The following MTHFD1L variants were observed in gnomAD, a reference collection of about 807,000 sequenced individuals.
MTHFD1L encodes the protein methylenetetrahydrofolate dehydrogenase (NADP+ dependent) 1 like.
MTHFD1L carries 81 observed loss-of-function variants against 119.5 expected under a neutral mutation model. The observed-to-expected ratio is 0.68, with a 90% CI of 0.57 to 0.82. The LOEUF (loss-of-function observed/expected upper bound fraction) is 0.82. Among genes scored for constraint, MTHFD1L ranks in the 40% least tolerant of loss-of-function variants. MTHFD1L has a pLI of 0.00. For missense variants in MTHFD1L, 1,125 were observed against 1,253.4 expected (o/e 0.90, Z 1.55); for synonymous variants, 430 against 475.2 (o/e 0.90, Z 1.24).
At chr6:151,028,813 C>T (rs534744020) in intron 24 of MTHFD1L, among the ~76,000 whole-genome samples, 44 of 152,292 alleles carry the variant, frequency 2.9e-4, no homozygotes, top group African/African-American at 7.9e-4. Flanking sequence ...TGGTAGCTTG[C>T]GGCTGTAATC....
intron 26 of MTHFD1L, among the ~76,000 whole-genome samples, chr6:151,050,425 G>T (rs753704404): frequency 7.2e-5 from 11 of 152,232 alleles, no homozygotes; most frequent in Non-Finnish European, 1.2e-4. Flanking sequence ...GCCTCCCAAA[G>T]TGCTGGGATT....
chr6:150,930,033 G>A (rs190003203), intron 11 of MTHFD1L, among the ~76,000 whole-genome samples: 5 of 152,312 alleles, frequency 3.3e-5, no homozygotes, highest in Admixed American at 6.5e-5. Context: ...TTTTAGGGCT[G>A]TAAACTGTCA....
intron 26 of MTHFD1L, chr6:151,054,804 G>A (rs1789625860): frequency 6.6e-6 from 1 of 152,150 alleles, no homozygotes. Flanking sequence ...CTCTAAATAT[G>A]TACATGTACA....
chr6:151,028,462 A>G (rs562716449), intron 24 of MTHFD1L, among the ~76,000 whole-genome samples: 10 of 152,152 alleles, frequency 6.6e-5, no homozygotes, highest in African/African-American at 2.2e-4. Context: ...TGGCACACAC[A>G]TACTATGGAA....
At chr6:151,003,311 C>G (rs1780883020) in intron 20 of MTHFD1L, among the ~76,000 whole-genome samples, 1 of 152,180 alleles carries the variant, frequency 6.6e-6, no homozygotes, top group African/African-American at 2.4e-5. Flanking sequence ...GTGGGCGGAT[C>G]ACCTGAGGTC....
chr6:151,048,741 T>C (rs140794856), intron 26 of MTHFD1L, among the ~76,000 whole-genome samples: 1 of 152,178 alleles, frequency 6.6e-6, no homozygotes, highest in South Asian at 2.1e-4. Flanking sequence ...CCCAAACACA[T>C]TCTATTCATG....
chr6:151,000,897 C>A (rs1011248457), intron 20 of MTHFD1L, among the ~76,000 whole-genome samples: 1 of 152,246 alleles, frequency 6.6e-6, no homozygotes, highest in Non-Finnish European at 1.5e-5. Context: ...ATACACCTTG[C>A]TTGTTCCTCT....
At chr6:151,047,623 C>A (rs891212016) in intron 26 of MTHFD1L, among the ~76,000 whole-genome samples, 3 of 152,158 alleles carry the variant, frequency 2.0e-5, no homozygotes, top group Non-Finnish European at 4.4e-5. Flanking sequence ...CAAAAAGAGC[C>A]AATTCCATCC....
chr6:151,018,389 A>G (rs1333464483), intron 24 of MTHFD1L, among the ~76,000 whole-genome samples: 1 of 152,210 alleles, frequency 6.6e-6, no homozygotes, highest in Non-Finnish European at 1.5e-5. Flanking sequence ...AATATTTAAT[A>G]TTACCACAGC....
At chr6:150,946,723 C>T (rs931204763) in intron 15 of MTHFD1L, among the ~76,000 whole-genome samples, 1 of 152,100 alleles carries the variant, frequency 6.6e-6, no homozygotes, top group South Asian at 2.1e-4. Flanking sequence ...TAATTCCATC[C>T]TCGGCAGCTA....
Position 150,865,733 on chromosome 6 carries a change from G to GCCGCCA in MTHFD1L, c.-85_-84insACCGCC. 9.0e-7 allele frequency: 1 copy of GCCGCCA among 1,116,570 alleles called. No individual in the cohort carries two copies. The highest frequency in any genetic ancestry group is 2.4e-5 in the South Asian group (1 of 41,482). 69.2% of individuals were successfully genotyped at this position (1,116,570 alleles called of 1,614,324 possible). On this transcript the variant is annotated 5_prime_UTR_variant, in exon 1 of 28. Transcript: ENST00000367321. ...GCGCCAGGTCCTTCCCGCCGCCGCCGCCGCCGCCGCCGCCTGCTCCCCTGG... is the reference window on the plus strand; with the variant it reads ...GCGCCAGGTCCTTCCCGCCGCCGCCGCCGCCACCGCCGCCGCCGCCTGCTCCCCTGG...
chr6:150,960,725 A>ACTTG (rs1167826235), intron 18 of MTHFD1L, among the ~76,000 whole-genome samples: 3 of 152,136 alleles, frequency 2.0e-5, no homozygotes, highest in African/African-American at 7.2e-5. Flanking sequence ...CCCTGCAGTC[A>ACTTG]CTTGGTGACT....
intron 24 of MTHFD1L, among the ~76,000 whole-genome samples, chr6:151,033,218 C>CT (rs1785603373): frequency 6.6e-6 from 1 of 151,806 alleles, no homozygotes; most frequent in African/African-American, 2.4e-5. Flanking sequence ...CTCCCAGGGT[C>CT]AAGCGATTCT....
chr6:150,955,844 T>G, intron 16 of MTHFD1L, 151 bp from the exon 17 acceptor site: 2 of 639,162 alleles, frequency 3.1e-6, no homozygotes, highest in Non-Finnish European at 5.6e-6. Flanking sequence ...TGATTCTTTC[T>G]CTATGTCTAC....
At chr6:151,008,969 A>G (rs576565342) in intron 20 of MTHFD1L, among the ~76,000 whole-genome samples, 1 of 151,936 alleles carries the variant, frequency 6.6e-6, no homozygotes, top group East Asian at 1.9e-4. Flanking sequence ...ATAAAAAAAA[A>G]AAATTAGCCG....
intron 8 of MTHFD1L, chr6:150,912,714 A>G (rs1562365495): frequency 3.9e-6 from 2 of 516,200 alleles, no homozygotes; most frequent in South Asian, 1.5e-5. Context: ...AAAGTGATTC[A>G]TTGACTTGTC....
At position 150,995,110 on chromosome 6, in the gene MTHFD1L, T is replaced by C. The variant is rs568670655; in HGVS notation, c.2126-14709T>C. Reference sequence around the variant, plus strand: ...GCAAATTGAGGGTCTGTTCTTCTTTTATACCAGATGGCAATTATAACAAAT... The same window carrying C: ...GCAAATTGAGGGTCTGTTCTTCTTTCATACCAGATGGCAATTATAACAAAT... On this transcript the variant is annotated intron_variant, in intron 20 of 27. Coordinates refer to ENST00000367321, the MANE Select transcript of MTHFD1L (RefSeq NM_015440.5). Among the ~76,000 whole-genome samples, 53 of 152,162 alleles carry C rather than the reference T, an allele frequency of 3.5e-4. 1 individual carries two copies. The South Asian group carries it at 0.01, about 30-fold the overall frequency.
chr6:151,058,906 A>C (rs973969708), intron 26 of MTHFD1L, among the ~76,000 whole-genome samples: 1 of 152,120 alleles, frequency 6.6e-6, no homozygotes, highest in African/African-American at 2.4e-5. Flanking sequence ...TGAACTCCTG[A>C]CCTCAGGTGA....
At position 151,017,351 on chromosome 6, in the gene MTHFD1L, C is replaced by CT. The variant is rs553802419; in HGVS notation, c.2586+1670dup. 5.9e-3 allele frequency among the ~76,000 whole-genome samples: 831 copies of CT among 141,782 alleles called. 3 individuals carry two copies. Among genetic ancestry groups the CT allele is most frequent in the African/African-American group, 0.018 (695 of 38,894 alleles). The allele number at this position is 141,782 out of a possible 152,430, so 93.0% of individuals were successfully genotyped here. A position where few individuals can be genotyped will look rare whatever the true frequency, so the allele number is the denominator to read the frequency against. On this transcript the variant is annotated intron_variant, in intron 24 of 27. Transcript: ENST00000367321. ...GTTGTAGAGTGTCAGAATTTCCCTT[C>CT]TTTTTTTTTTTTGAGATGGAGTTTC...
Sources: allele counts gnomAD v4.1 joint callset (sites outside exome capture counted in the v4.1 genomes callset), GRCh38; gene constraint gnomAD v4.1.1; transcripts MANE v1.5; gene names NCBI Gene and HGNC (gene_info 2026-07-23, HGNC 2026-07-21).